The following DRC8 variants were observed in gnomAD, a reference collection of about 807,000 sequenced individuals.
DRC8 encodes the protein dynein regulatory complex protein 8.
the DRC8 span, among the ~76,000 whole-genome samples, chr1:245,050,513 C>G: frequency 3.3e-5 from 5 of 152,176 alleles, no homozygotes; most frequent in African/African-American, 1.2e-4. Context: ...TGATCCCTGA[C>G]AAGTTATTTA....
At chr1:245,063,626 G>A in the DRC8 span, among the ~76,000 whole-genome samples, 2 of 152,198 alleles carry the variant, frequency 1.3e-5, no homozygotes, top group Non-Finnish European at 2.9e-5. Context: ...TTTAAGAGGT[G>A]CATTTCATTG....
chr1:245,114,492 G>A, the DRC8 span, among the ~76,000 whole-genome samples: 1 of 151,502 alleles, frequency 6.6e-6, no homozygotes, highest in Non-Finnish European at 1.5e-5. Context: ...GTCTTCCTAA[G>A]ATGTCCCTAG....
the DRC8 span, among the ~76,000 whole-genome samples, chr1:245,079,932 G>A: frequency 6.6e-6 from 1 of 152,180 alleles, no homozygotes; most frequent in Non-Finnish European, 1.5e-5. Context: ...GCTCGCCTTG[G>A]ACTTAGAGGC....
the DRC8 span, chr1:244,970,899 C>G: frequency 4.9e-6 from 1 of 205,516 alleles, no homozygotes; most frequent in Admixed American, 6.4e-5. Flanking sequence ...GCCGCCGCCT[C>G]CACACTCTCG....
the DRC8 span, chr1:245,083,407 C>A: frequency 2.6e-5 from 41 of 1,595,210 alleles, no homozygotes; most frequent in Non-Finnish European, 3.1e-5. Flanking sequence ...GCGGTAAATA[C>A]CACGGCATTT....
At chr1:245,118,122 T>C in the DRC8 span, among the ~76,000 whole-genome samples, 1 of 152,150 alleles carries the variant, frequency 6.6e-6, no homozygotes, top group Non-Finnish European at 1.5e-5. Context: ...CTGTCTGACT[T>C]CCTGCACACT....
chr1:245,087,305 C>A, the DRC8 span: 12 of 1,611,014 alleles, frequency 7.4e-6, no homozygotes, highest in East Asian at 2.2e-5. Context: ...GATCCAGAAT[C>A]AAATTCAATT....
chr1:245,095,515 T>C, the DRC8 span, among the ~76,000 whole-genome samples: 1 of 152,186 alleles, frequency 6.6e-6, no homozygotes, highest in African/African-American at 2.4e-5. Flanking sequence ...AGTATCTTAT[T>C]GTTTGGAGAT....
the DRC8 span, among the ~76,000 whole-genome samples, chr1:245,021,935 G>A: frequency 6.6e-6 from 1 of 151,696 alleles, no homozygotes; most frequent in Non-Finnish European, 1.5e-5. Flanking sequence ...TCAGCCTCCC[G>A]AGCTGGGACT....
the DRC8 span, among the ~76,000 whole-genome samples, chr1:244,988,406 T>C: frequency 6.6e-6 from 1 of 152,210 alleles, no homozygotes; most frequent in Non-Finnish European, 1.5e-5. Flanking sequence ...GCAACACTGC[T>C]GTTTATATTT....
At chr1:245,082,184 T>G in the DRC8 span, 4 of 1,581,484 alleles carry the variant, frequency 2.5e-6, no homozygotes, top group Non-Finnish European at 3.5e-6. Context: ...AATGCAATTG[T>G]TAAGGCAAAG....
the DRC8 span, among the ~76,000 whole-genome samples, chr1:245,054,997 C>T: frequency 6.6e-6 from 1 of 152,134 alleles, no homozygotes; most frequent in Admixed American, 6.6e-5. Flanking sequence ...CAGCTGGATG[C>T]CTGCACAGGA....
At chr1:245,013,878 A>G in the DRC8 span, among the ~76,000 whole-genome samples, 1 of 151,942 alleles carries the variant, frequency 6.6e-6, no homozygotes, top group East Asian at 1.9e-4. Context: ...TAAAAATACG[A>G]AAGTGAGCTT....
At chr1:245,093,841 G>A in the DRC8 span, among the ~76,000 whole-genome samples, 5 of 152,150 alleles carry the variant, frequency 3.3e-5, no homozygotes, top group South Asian at 2.1e-4. Flanking sequence ...TGTGTGGCAG[G>A]TCAAAATGCC....
At chr1:244,989,582 C>G in the DRC8 span, among the ~76,000 whole-genome samples, 2 of 152,124 alleles carry the variant, frequency 1.3e-5, no homozygotes, top group African/African-American at 4.8e-5. Flanking sequence ...CAATTGATCA[C>G]TGTTGATGTT....
At chr1:245,017,506 T>C in the DRC8 span, among the ~76,000 whole-genome samples, 1 of 152,216 alleles carries the variant, frequency 6.6e-6, no homozygotes, top group Non-Finnish European at 1.5e-5. Flanking sequence ...TACTGTTTCT[T>C]ATTCTTCATA....
chr1:244,969,818 A>G, the DRC8 span: 1 of 368,434 alleles, frequency 2.7e-6, no homozygotes, highest in Non-Finnish European at 4.9e-6. Context: ...GGACGGGAGA[A>G]ACCGGGAGGG....
the DRC8 span, among the ~76,000 whole-genome samples, chr1:245,020,496 C>T: frequency 2.4e-4 from 36 of 152,144 alleles, no homozygotes; most frequent in East Asian, 2.5e-3. Flanking sequence ...TCTCAGAGTG[C>T]CCCCAAGACC....
the DRC8 span, chr1:245,086,841 C>T: frequency 1.9e-6 from 1 of 533,044 alleles, no homozygotes; most frequent in African/African-American, 1.9e-5. Flanking sequence ...GCATGTGGAT[C>T]CAAACTTGTG....
Sources: allele counts gnomAD v4.1 joint callset (sites outside exome capture counted in the v4.1 genomes callset), GRCh38; gene constraint gnomAD v4.1.1; transcripts MANE v1.5; gene names NCBI Gene and HGNC (gene_info 2026-07-23, HGNC 2026-07-21).